DNAH6: variants seen among roughly 807,000 people sequenced by gnomAD.
The protein encoded by DNAH6 is dynein axonemal heavy chain 6.
In DNAH6, 340 loss-of-function variants were observed where a neutral mutation model predicts 491.4. That is an observed-to-expected ratio of 0.69 (90% confidence interval 0.63 to 0.76). The LOEUF (loss-of-function observed/expected upper bound fraction) is 0.76, where lower values mean the gene tolerates loss of function less well. Among genes scored for constraint, DNAH6 ranks in the 30% least tolerant of loss-of-function variants. The pLI, the probability that DNAH6 is intolerant of heterozygous loss-of-function variation, is 0.00. For missense variants in DNAH6, 4,443 were observed against 4,972.2 expected, an observed-to-expected ratio of 0.89 and a Z score of 3.20; for synonymous variants, 1,603 against 1,686.1, an observed-to-expected ratio of 0.95 and a Z score of 1.21.
intron 9 of DNAH6, among the ~76,000 whole-genome samples, chr2:84,551,704 A>C (rs888835318): frequency 6.6e-6 from 1 of 152,144 alleles, no homozygotes; most frequent in Non-Finnish European, 1.5e-5. Context: ...ATACGTACAC[A>C]CTGACGTATA....
intron 33 of DNAH6, 86 bp downstream of exon 33, chr2:84,642,140 C>A: frequency 1.1e-6 from 1 of 938,752 alleles, no homozygotes; most frequent in Non-Finnish European, 1.6e-6. Context: ...CTTTCTCTAA[C>A]AAGCTGAAAA....
intron 39 of DNAH6, 148 bp downstream of exon 39, chr2:84,670,623 T>G (rs1306047500): frequency 1.6e-6 from 1 of 642,140 alleles, no homozygotes; most frequent in East Asian, 3.0e-5. Context: ...ATTTTTATGC[T>G]AGCTATGTAG....
At chr2:84,794,181 A>G (rs1573830194) in intron 68 of DNAH6, among the ~76,000 whole-genome samples, 1 of 152,234 alleles carries the variant, frequency 6.6e-6, no homozygotes, top group African/African-American at 2.4e-5. Context: ...TTAATTCAAG[A>G]TGGATTAAAG....
chr2:84,634,188 A>G lies in DNAH6; in HGVS notation c.4516-316A>G, dbSNP rs1039445277. 8.5e-5 allele frequency among the ~76,000 whole-genome samples: 13 copies of G among 152,306 alleles called. No homozygotes were observed. In the South Asian group the frequency reaches 1.0e-3, roughly 12 times the overall value. ...GTTTTTTTAAAGTTCTTAAGTTTGTATGTTCCATGTGTTAAACTATTTGAG... is the reference window on the plus strand; with the variant it reads ...GTTTTTTTAAAGTTCTTAAGTTTGTGTGTTCCATGTGTTAAACTATTTGAG... On this transcript the variant is annotated intron_variant, in intron 29 of 76. Coordinates refer to ENST00000389394, the MANE Select transcript of DNAH6 (RefSeq NM_001370.2).
In DNAH6 at chr2:84,637,234, C is replaced by T. The variant is rs1046986565; in HGVS notation, c.4678C>T (p.Arg1560Trp). The T allele has an allele frequency of 6.5e-6, 10 of 1,546,718 alleles. No homozygotes were observed. Among genetic ancestry groups the T allele is most frequent in the South Asian group, 2.4e-5 (2 of 83,118 alleles). Residue 1560 changes from arginine to tryptophan, a missense_variant, in exon 31 of 77, where the codon CGG (arginine) becomes TGG (tryptophan). This residue lies in a region of DNAH6 where 2,977 missense variants were observed against 3,296.6 expected (regional missense o/e 0.90). Transcript: ENST00000389394. ...AKLSRFMFEG[R>W]EIKLVMTCAA... ...GCTCTCTAGATTCATGTTTGAGGGGCGGGAAATAAAGTTGGTGATGACTTG... is the reference window on the plus strand; with the variant it reads ...GCTCTCTAGATTCATGTTTGAGGGGTGGGAAATAAAGTTGGTGATGACTTG...
At chr2:84,679,343 G>GT (rs2104717626) in intron 41 of DNAH6, among the ~76,000 whole-genome samples, 1 of 152,280 alleles carries the variant, frequency 6.6e-6, no homozygotes, top group Admixed American at 6.5e-5. Flanking sequence ...TACATTATAA[G>GT]TGACTCTTTC....
chr2:84,600,272 A>G (rs552864989), intron 18 of DNAH6, among the ~76,000 whole-genome samples: 5 of 152,326 alleles, frequency 3.3e-5, no homozygotes, highest in East Asian at 3.9e-4. Flanking sequence ...AGTTATAACA[A>G]TAATACCAAG....
intron 62 of DNAH6, among the ~76,000 whole-genome samples, chr2:84,739,935 A>T (rs1361107039): frequency 1.3e-5 from 2 of 151,548 alleles, no homozygotes; most frequent in Non-Finnish European, 2.9e-5. Flanking sequence ...GATCCTTTGG[A>T]GGTGATGAAA....
the DNAH6 span, among the ~76,000 whole-genome samples, chr2:84,498,966 G>A: frequency 6.6e-6 from 1 of 152,128 alleles, no homozygotes; most frequent in Non-Finnish European, 1.5e-5. Flanking sequence ...TACATGAGAT[G>A]TTTTGACACA....
chr2:84,530,343 A>G (rs1213020746), intron 4 of DNAH6, among the ~76,000 whole-genome samples: 1 of 152,150 alleles, frequency 6.6e-6, no homozygotes, highest in Non-Finnish European at 1.5e-5. Context: ...TCATTTGAAC[A>G]AGGACTTGAA....
chr2:84,701,698 A>G (rs1695917285), intron 49 of DNAH6, among the ~76,000 whole-genome samples: 2 of 152,170 alleles, frequency 1.3e-5, no homozygotes, highest in Admixed American at 6.5e-5. Context: ...AGATCTCACA[A>G]GAACTCACTA....
chr2:84,477,544 G>C, the DNAH6 span, among the ~76,000 whole-genome samples: 1 of 152,174 alleles, frequency 6.6e-6, no homozygotes, highest in Admixed American at 6.5e-5. Context: ...TAGTGGGGAT[G>C]GGGGGATAGC....
intron 4 of DNAH6, among the ~76,000 whole-genome samples, chr2:84,531,777 A>G (rs17025183): frequency 0.029 from 4,347 of 152,148 alleles, 223 homozygotes; most frequent in African/African-American, 0.099. Context: ...ACATGAGAGA[A>G]TTCATTTTTT....
intron 40 of DNAH6, 26 bp from the exon 41 acceptor site, chr2:84,676,979 A>G (rs951890602): frequency 6.4e-7 from 1 of 1,551,304 alleles, no homozygotes; most frequent in African/African-American, 1.4e-5. Flanking sequence ...CTGCTGAGTG[A>G]TCCAAGTGGA....
chr2:84,811,066 T>C (rs1161277661), intron 72 of DNAH6, among the ~76,000 whole-genome samples: 4 of 152,234 alleles, frequency 2.6e-5, no homozygotes, highest in Admixed American at 6.5e-5. Context: ...TCCTGCACTC[T>C]GCTGCAGATG....
At chr2:84,631,589 A>C (rs1376860491) in intron 29 of DNAH6, among the ~76,000 whole-genome samples, 1 of 152,204 alleles carries the variant, frequency 6.6e-6, no homozygotes, top group Non-Finnish European at 1.5e-5. Context: ...ATGTAGATAT[A>C]GATACACAGA....
At chr2:84,717,842 T>A (rs1297591061) in intron 58 of DNAH6, among the ~76,000 whole-genome samples, 1 of 152,206 alleles carries the variant, frequency 6.6e-6, no homozygotes, top group Non-Finnish European at 1.5e-5. Flanking sequence ...CAAGGCATCA[T>A]AAATATTCCA....
At chr2:84,811,199 C>G (rs560502392) in intron 72 of DNAH6, among the ~76,000 whole-genome samples, 4 of 152,236 alleles carry the variant, frequency 2.6e-5, no homozygotes, top group African/African-American at 9.6e-5. Flanking sequence ...TGGAAGGACA[C>G]GTAGCCTTGT....
At chr2:84,783,162 T>A (rs1364572610) in intron 65 of DNAH6, among the ~76,000 whole-genome samples, 2 of 152,046 alleles carry the variant, frequency 1.3e-5, no homozygotes, top group Admixed American at 1.3e-4. Flanking sequence ...AAATAAAACC[T>A]CAGAACTTGA....
Sources: allele counts gnomAD v4.1 joint callset (sites outside exome capture counted in the v4.1 genomes callset), GRCh38; gene constraint gnomAD v4.1.1; regional missense constraint gnomAD v4.1.1; transcripts MANE v1.5; gene names NCBI Gene and HGNC (gene_info 2026-07-23, HGNC 2026-07-21).